FKBP15: variants seen among roughly 807,000 people sequenced by gnomAD.
The protein encoded by FKBP15 is FK506-binding protein 15.
Under a neutral mutation model 158.1 loss-of-function variants are expected in FKBP15, and 106 were observed. The observed-to-expected ratio is 0.67, with a 90% CI of 0.57 to 0.79. FKBP15 has a LOEUF of 0.79. Ranked by LOEUF, FKBP15 falls within the 30% of genes least tolerant of loss-of-function variation. The pLI is 0.00. For synonymous variants in FKBP15, 547 were observed against 548.6 expected (o/e 1.00, Z 0.04); for missense variants, 1,287 against 1,479.1 (o/e 0.87, Z 2.13).
intron 11 of FKBP15, among the ~76,000 whole-genome samples, chr9:113,191,728 G>A (rs1026069067): frequency 6.7e-6 from 1 of 150,096 alleles, no homozygotes; most frequent in African/African-American, 2.4e-5. Flanking sequence ...TGTGAAAGGA[G>A]GGAGGAATAA....
intron 18 of FKBP15, 96 bp downstream of exon 18, chr9:113,183,655 A>G: frequency 2.6e-6 from 2 of 769,080 alleles, no homozygotes; most frequent in Admixed American, 5.1e-5. Context: ...GCAGAAATAC[A>G]TACGTACTGC....
In FKBP15 at chr9:113,161,721, A is replaced by G. The variant is rs1329366141; in HGVS notation, c.*4357T>C. The G allele has an allele frequency of 5.0e-6, 8 of 1,611,748 alleles. No homozygotes were observed. The highest frequency in any genetic ancestry group is 6.8e-6 in the Non-Finnish European group (8 of 1,178,444). On this transcript the variant is annotated 3_prime_UTR_variant, in exon 28 of 28. Transcript: ENST00000238256. The stretch of plus-strand genomic sequence containing the variant: ...CAGGTACAGGCAGTGGGTATGGGAA[A>G]GGGGCAGAAGCCTCACATTCACCCT...
intron 6 of FKBP15, among the ~76,000 whole-genome samples, chr9:113,200,365 A>G (rs1830764796): frequency 6.6e-6 from 1 of 152,186 alleles, no homozygotes; most frequent in Admixed American, 6.5e-5. Context: ...GATGATACTG[A>G]TTTACTGTTT....
chr9:113,183,506 C>T (rs187669740), intron 18 of FKBP15, among the ~76,000 whole-genome samples: 54 of 152,196 alleles, frequency 3.5e-4, no homozygotes, highest in African/African-American at 1.3e-3. Flanking sequence ...ATAACATGCC[C>T]AGAGCCACAG....
chr9:113,185,753 C>A (rs1389678681), intron 15 of FKBP15, among the ~76,000 whole-genome samples: 1 of 152,236 alleles, frequency 6.6e-6, no homozygotes, highest in Non-Finnish European at 1.5e-5. Flanking sequence ...CTTCACTTTA[C>A]ACCCTTTTGT....
intron 13 of FKBP15, 131 bp downstream of exon 13, chr9:113,188,258 G>A (rs1214612821): frequency 1.4e-6 from 1 of 722,744 alleles, no homozygotes; most frequent in African/African-American, 1.8e-5. Context: ...AAACTGACAA[G>A]CGTCACACTC....
Position 113,183,771 on chromosome 9 carries a change from T to TG in FKBP15, c.1790_1791insC (p.Glu597AspfsTer4). Reference sequence around the variant, plus strand: ...ATTACCTCTGATTTCGTTCAATTAGTTCACTAATCTTGTCATTCTGTTCTT... The same window carrying TG: ...ATTACCTCTGATTTCGTTCAATTAGTGTCACTAATCTTGTCATTCTGTTCTT... On this transcript the variant is annotated frameshift_variant, in exon 18 of 28. Coordinates refer to ENST00000238256, the MANE Select transcript of FKBP15 (RefSeq NM_015258.2). LOFTEE classifies it high-confidence loss of function. 6.2e-7 allele frequency: 1 copy of TG among 1,613,356 alleles called. No homozygotes were observed. The highest frequency in any genetic ancestry group is 8.5e-7 in the Non-Finnish European group (1 of 1,179,368).
At position 113,215,618 on chromosome 9, in the gene FKBP15, GTGTGTGTATATA is replaced by G. The variant is rs1328991571; in HGVS notation, c.54-4038_54-4027del. ...TATATATGTGTGCGTGTGTGTGTGT[GTGTGTGTATATA>G]TATATATATATATATTTTTTTTTTT... On this transcript the variant is annotated intron_variant, in intron 1 of 27. Coordinates refer to ENST00000238256, the MANE Select transcript of FKBP15 (RefSeq NM_015258.2). Among the ~76,000 whole-genome samples the G allele has an allele frequency of 3.4e-4, 39 of 114,912 alleles. 1 individual carries two copies. Among genetic ancestry groups the G allele is most frequent in the East Asian group, 2.0e-3 (8 of 3,958 alleles). 75.4% of individuals were successfully genotyped at this position (114,912 alleles called of 152,430 possible).
intron 1 of FKBP15, among the ~76,000 whole-genome samples, chr9:113,219,735 T>C (rs1418413839): frequency 6.6e-6 from 1 of 152,156 alleles, no homozygotes; most frequent in Admixed American, 6.5e-5. Context: ...CTTGGACTGA[T>C]TGTTGCATGA....
chr9:113,162,966 T>G lies in FKBP15; in HGVS notation c.*3112A>C. 1 of 1,487,244 alleles carries G rather than the reference T, an allele frequency of 6.7e-7. No homozygotes were observed. Among genetic ancestry groups the G allele is most frequent in the Non-Finnish European group, 9.1e-7 (1 of 1,104,754 alleles). 92.1% of individuals were successfully genotyped at this position (1,487,244 alleles called of 1,614,324 possible). A position where few individuals can be genotyped will look rare whatever the true frequency, so the allele number is the denominator to read the frequency against. ...GAGGCTGGAGGGACATGGAGCCCCC[T>G]CTTCCAGACACTATACTTCCAACTG... On this transcript the variant is annotated 3_prime_UTR_variant, in exon 28 of 28. Transcript: ENST00000238256.
intron 2 of FKBP15, among the ~76,000 whole-genome samples, chr9:113,210,955 G>A (rs946474465): frequency 6.6e-6 from 1 of 152,198 alleles, no homozygotes. Context: ...ACTGAAGGCT[G>A]CACTGTCGGC....
intron 12 of FKBP15, 48 bp downstream of exon 12, chr9:113,190,423 G>A: frequency 7.2e-7 from 1 of 1,396,576 alleles, no homozygotes; most frequent in Non-Finnish European, 1.0e-6. Flanking sequence ...AAAGAAAGAT[G>A]ATGGCGACAT....
At chr9:113,199,152 TTAC>T (rs1485736092) in intron 7 of FKBP15, among the ~76,000 whole-genome samples, 2 of 152,172 alleles carry the variant, frequency 1.3e-5, no homozygotes, top group East Asian at 3.8e-4. Context: ...AAAAAACACA[TTAC>T]TACAACTGTG....
chr9:113,167,972 C>G (rs1289506507), intron 27 of FKBP15, among the ~76,000 whole-genome samples: 1 of 152,156 alleles, frequency 6.6e-6, no homozygotes, highest in Non-Finnish European at 1.5e-5. Context: ...TGCTCAGGAA[C>G]AGGAGGTCTT....
rs754666771 is a variant in FKBP15, at chr9:113,190,530, C to T, written c.1114G>A (p.Gly372Ser). 1 of 1,612,340 alleles carries T rather than the reference C, an allele frequency of 6.2e-7. No homozygotes were observed. Among genetic ancestry groups the T allele is most frequent in the South Asian group, 1.1e-5 (1 of 90,590 alleles). The change falls in exon 12 of 28, where the codon GGC becomes AGC. Residue 372 changes from glycine (G) to serine (S), a missense_variant. Coordinates refer to ENST00000238256, the MANE Select transcript of FKBP15 (RefSeq NM_015258.2). ...AKLISRMAKM[G>S]QPMLPILPPQ... ...GGAAGGATGGGCAGCATGGGCTGGC[C>T]CATTTTAGCCATCCGAGAGATCAAC...
rs10118429 is a variant in FKBP15 at position 113,184,612 on chromosome 9, T to A, written c.1608+83A>T. 369,263 of 1,164,994 alleles carry A rather than the reference T, an allele frequency of 0.32. 60,150 individuals are homozygous for A. The highest frequency in any genetic ancestry group is 0.39 in the Middle Eastern group (2,067 of 5,242). The allele number at this position is 1,164,994 out of a possible 1,614,324, so 72.2% of individuals were successfully genotyped here. On this transcript the variant is annotated intron_variant, in intron 16 of 27. Transcript: ENST00000238256. This position sits in a 1 kb window ranked among gnomAD's most constrained non-coding sequence, Gnocchi z 4.5. ...CTCTCACTACTACCAATGCAGGAAATCAAAGAAGAGTTTACCTACAGTTCT... is the reference window on the plus strand; with the variant it reads ...CTCTCACTACTACCAATGCAGGAAAACAAAGAAGAGTTTACCTACAGTTCT...
chr9:113,171,118 A>C (rs1830200954), intron 24 of FKBP15, among the ~76,000 whole-genome samples: 1 of 152,204 alleles, frequency 6.6e-6, no homozygotes, highest in African/African-American at 2.4e-5. Context: ...CTAGGCTGTA[A>C]GCTCCTTAAA....
In FKBP15 at chr9:113,173,531, A is replaced by G. The variant is rs748306804; in HGVS notation, c.2454T>C (p.Asp818=). ...CCTCCTGGTACTGCTGCAGGTGCTC[A>G]TCCTTGGCGGAGGCCAACAAATGTT... ...KCEHLLASAK[D]EHLQQYQEVC... is the part of the protein sequence containing the mutation. The change falls in exon 23 of 28, where the codon GAT becomes GAC. Residue 818 remains aspartate (D), a synonymous_variant. Transcript: ENST00000238256. 1.2e-6 allele frequency: 2 copies of G among 1,613,966 alleles called. No individual in the cohort carries two copies. Among genetic ancestry groups the G allele is most frequent in the East Asian group, 2.2e-5 (1 of 44,882 alleles).
chr9:113,203,067 AAAAG>A, intron 4 of FKBP15, 32 bp from the exon 5 acceptor site: 1 of 1,464,820 alleles, frequency 6.8e-7, no homozygotes, highest in Non-Finnish European at 9.4e-7. Flanking sequence ...TAGAAAAAAA[AAAAG>A]AGAGACAGCA....
Sources: allele counts gnomAD v4.1 joint callset (sites outside exome capture counted in the v4.1 genomes callset), GRCh38; gene constraint gnomAD v4.1.1; non-coding constraint Gnocchi (gnomAD v3.1); transcripts MANE v1.5; gene names NCBI Gene and HGNC (gene_info 2026-07-23, HGNC 2026-07-21).